The following CUL3 variants were observed in gnomAD, a reference collection of about 807,000 sequenced individuals.
The protein encoded by CUL3 is cullin 3, also known as cullin-3.
A neutral mutation model predicts 89.1 loss-of-function variants in CUL3; 19 were observed. The ratio of observed to expected loss-of-function variants is 0.21; its 90% confidence interval spans 0.15 to 0.31. The LOEUF (loss-of-function observed/expected upper bound fraction) is 0.31, where lower values mean the gene tolerates loss of function less well. Among genes scored for constraint, CUL3 ranks in the 10% least tolerant of loss-of-function variants. CUL3 has a pLI of 1.00. For missense variants in CUL3, 469 were observed against 942.3 expected, an observed-to-expected ratio of 0.50 and a Z score of 6.58; for synonymous variants, 351 against 308.4, an observed-to-expected ratio of 1.14 and a Z score of -1.45.
At chr2:224,541,923 C>CA (rs1314581248) in intron 2 of CUL3, among the ~76,000 whole-genome samples, 1 of 151,854 alleles carries the variant, frequency 6.6e-6, no homozygotes, top group Non-Finnish European at 1.5e-5. Context: ...AAAGGGATAA[C>CA]AGAGGGAGTT....
intron 1 of CUL3, among the ~76,000 whole-genome samples, chr2:224,566,248 C>T (rs1406220203): frequency 2.6e-5 from 4 of 152,336 alleles, no homozygotes; most frequent in Admixed American, 1.3e-4. Context: ...GGACAAAGCA[C>T]TGATGGAACC....
rs116816455 is a variant in CUL3 at position 224,562,060 on chromosome 2, T to G, written c.67-4204A>C. ...ATCCTCTGAAAGCCAGAAAAAGTAT[T>G]AAAATGTCTCTACCCAGAGTAAATT... On this transcript the variant is annotated intron_variant, in intron 1 of 15. Coordinates refer to ENST00000264414, the MANE Select transcript of CUL3 (RefSeq NM_003590.5). Among the ~76,000 whole-genome samples the G allele has an allele frequency of 7.3e-3, 1,112 of 152,312 alleles. 6 individuals carry two copies. The highest frequency in any genetic ancestry group is 9.1e-3 in the Non-Finnish European group (622 of 68,016).
At chr2:224,557,902 A>AAAAAAAAC in intron 1 of CUL3, 46 bp from the exon 2 acceptor site, 5 of 1,099,336 alleles carry the variant, frequency 4.5e-6, no homozygotes, top group South Asian at 1.5e-5. Flanking sequence ...AAAAAAAAAA[A>AAAAAAAAC]AAACCAATGG....
At chr2:224,582,139 T>C (rs1426257326) in intron 1 of CUL3, among the ~76,000 whole-genome samples, 1 of 152,108 alleles carries the variant, frequency 6.6e-6, no homozygotes, top group Non-Finnish European at 1.5e-5. Flanking sequence ...TAATTTTTTG[T>C]ATTTTAAGTA....
intron 2 of CUL3, 111 bp from the exon 3 acceptor site, chr2:224,535,752 C>A: frequency 1.4e-6 from 1 of 708,768 alleles, no homozygotes; most frequent in South Asian, 1.6e-5. Flanking sequence ...TAATTTAAAT[C>A]AAAGAAATGT....
intron 1 of CUL3, among the ~76,000 whole-genome samples, chr2:224,564,788 A>G (rs999666228): frequency 1.3e-5 from 2 of 152,138 alleles, no homozygotes. Context: ...TCTCCAATCA[A>G]AAGCTCCAGA....
chr2:224,475,678 T>C (rs551844288), intron 15 of CUL3, among the ~76,000 whole-genome samples: 22 of 152,276 alleles, frequency 1.4e-4, no homozygotes, highest in Admixed American at 5.2e-4. Flanking sequence ...TTGCCCTTCT[T>C]TTCTTCCAGC....
intron 13 of CUL3, among the ~76,000 whole-genome samples, chr2:224,489,980 T>C (rs1381813234): frequency 6.6e-6 from 1 of 152,160 alleles, no homozygotes; most frequent in African/African-American, 2.4e-5. Context: ...ATATCCAGAA[T>C]CTACAAGGAA....
rs1254985783 is a variant in CUL3, at chr2:224,471,009, C to T, written c.*3236G>A. 4 of 227,714 alleles carry T rather than the reference C, an allele frequency of 1.8e-5. No individual in the cohort carries two copies. Among genetic ancestry groups the T allele is most frequent in the African/African-American group, 6.7e-5 (3 of 45,072 alleles). 14.1% of individuals were successfully genotyped at this position (227,714 alleles called of 1,614,324 possible). ...ATGTCACATAAAGCCAATATGACAA[C>T]TAAATGAATGAATATACATAAAATA... On this transcript the variant is annotated 3_prime_UTR_variant, in exon 16 of 16. Coordinates refer to ENST00000264414, the MANE Select transcript of CUL3 (RefSeq NM_003590.5).
At chr2:224,567,750 A>C (rs1216841088) in intron 1 of CUL3, among the ~76,000 whole-genome samples, 1 of 152,052 alleles carries the variant, frequency 6.6e-6, no homozygotes. Context: ...AAAAAAAAAA[A>C]AACCTTTCAC....
chr2:224,480,779 A>G (rs889619812), intron 14 of CUL3, among the ~76,000 whole-genome samples: 2 of 152,190 alleles, frequency 1.3e-5, no homozygotes, highest in Non-Finnish European at 2.9e-5. Context: ...CCAAATGTAT[A>G]AAGTAGTTAT....
At chr2:224,510,146 A>G (rs2106212140) in intron 6 of CUL3, among the ~76,000 whole-genome samples, 1 of 151,996 alleles carries the variant, frequency 6.6e-6, no homozygotes, top group Non-Finnish European at 1.5e-5. Context: ...TTTATTCAAC[A>G]ACAAAAAAGC....
rs776066073 is a variant in CUL3, at chr2:224,470,298, G to A, written c.*3947C>T. On this transcript the variant is annotated 3_prime_UTR_variant, in exon 16 of 16. Coordinates refer to ENST00000264414, the MANE Select transcript of CUL3 (RefSeq NM_003590.5). ...TACACGTTTACTTTGAGCTGCTCAT[G>A]TATAATTTTAAAGCTATTTTTGCAT... 1 of 225,440 alleles carries A rather than the reference G, an allele frequency of 4.4e-6. No individual in the cohort carries two copies. Among genetic ancestry groups the A allele is most frequent in the Non-Finnish European group, 8.8e-6 (1 of 113,244 alleles). The allele number at this position is 225,440 out of a possible 1,614,324, so 14.0% of individuals were successfully genotyped here.
At chr2:224,508,568 T>C (rs1692690686) in intron 6 of CUL3, among the ~76,000 whole-genome samples, 1 of 152,218 alleles carries the variant, frequency 6.6e-6, no homozygotes, top group South Asian at 2.1e-4. Context: ...ACAATTTCAT[T>C]GTATTTAAAT....
At chr2:224,574,934 C>T (rs1374227243) in intron 1 of CUL3, among the ~76,000 whole-genome samples, 1 of 152,096 alleles carries the variant, frequency 6.6e-6, no homozygotes, top group Non-Finnish European at 1.5e-5. Context: ...CTGAGGCCTC[C>T]TCAAGAAAAT....
At chr2:224,535,861 A>G (rs1693879135) in intron 2 of CUL3, among the ~76,000 whole-genome samples, 1 of 152,204 alleles carries the variant, frequency 6.6e-6, no homozygotes, top group Admixed American at 6.5e-5. Context: ...CCAGAACATA[A>G]ATCAACTTCC....
chr2:224,530,395 T>C (rs1422530071), intron 3 of CUL3, among the ~76,000 whole-genome samples: 3 of 152,066 alleles, frequency 2.0e-5, no homozygotes, highest in African/African-American at 7.2e-5. Context: ...GAAACCTGCA[T>C]AGTTGGTAAT....
chr2:224,522,827 CA>C (rs777324032), intron 3 of CUL3, among the ~76,000 whole-genome samples: 1 of 147,512 alleles, frequency 6.8e-6, no homozygotes, highest in African/African-American at 2.5e-5. Flanking sequence ...GACACCGTCT[CA>C]AAAAAACAAT....
intron 15 of CUL3, among the ~76,000 whole-genome samples, chr2:224,474,777 C>T (rs1198504608): frequency 6.6e-6 from 1 of 152,158 alleles, no homozygotes; most frequent in African/African-American, 2.4e-5. Flanking sequence ...CTCAGCTCTA[C>T]CACTACTAGC....
Sources: gnomAD v4.1 joint callset for allele counts (sites outside exome capture counted in the v4.1 genomes callset) on GRCh38, gnomAD v4.1.1 for gene constraint, MANE v1.5 for transcripts, NCBI Gene and HGNC (gene_info 2026-07-23, HGNC 2026-07-21) for gene names.